The following HUWE1 variants were observed in gnomAD, a reference collection of about 807,000 sequenced individuals.
HUWE1 encodes E3 ubiquitin-protein ligase HUWE1.
Under a neutral mutation model 299.4 loss-of-function variants are expected in HUWE1, and 18 were observed. The observed-to-expected ratio is 0.06, with a 90% CI of 0.04 to 0.09. The LOEUF is 0.09. HUWE1 is among the 10% of genes least tolerant of loss of function. The pLI is 1.00. For synonymous variants in HUWE1, 1,317 were observed against 1,286.1 expected (o/e 1.02, Z -0.51); for missense variants, 1,832 against 3,462.3 (o/e 0.53, Z 11.82).
chrX:53,593,214 G>A lies in HUWE1; in HGVS notation c.3741+150C>T, dbSNP rs12840724. ...GTTTATCACGGAAAATTCTCAAATG[G>A]TCTATATTCCCTTACGTAAGGCAGC... is the stretch of plus-strand genomic sequence containing the variant. On this transcript the variant is annotated intron_variant, in intron 32 of 83. Transcript: ENST00000262854. 49,011 of 473,434 alleles carry A rather than the reference G, an allele frequency of 0.1. 2,142 individuals are homozygous for A. Among genetic ancestry groups the A allele is most frequent in the Non-Finnish European group, 0.13 (34,563 of 267,326 alleles). 39.0% of individuals were successfully genotyped at this position (473,434 alleles called of 1,213,427 possible).
intron 81 of HUWE1, 70 bp from the exon 82 acceptor site, chrX:53,534,767 C>A: frequency 2.1e-6 from 2 of 975,556 alleles, no homozygotes; most frequent in East Asian, 3.1e-5. Flanking sequence ...GATCCCCCAT[C>A]TGGCTCCCAT....
rs782531893 is a variant in HUWE1, at chrX:53,537,707, A to G, written c.11997-11T>C. ...TCTTGGCGGAAATATCTTGGGAGGT[A>G]GAAAAGGAAGGAAGATAGGATTAAG... On this transcript the variant is annotated splice_polypyrimidine_tract_variant and intron_variant, in intron 77 of 83. Coordinates refer to ENST00000262854, the MANE Select transcript of HUWE1 (RefSeq NM_031407.7). 1 of 1,205,530 alleles carries G rather than the reference A, an allele frequency of 8.3e-7. No individual in the cohort carries two copies. Among genetic ancestry groups the G allele is most frequent in the South Asian group, 1.8e-5 (1 of 55,680 alleles).
intron 25 of HUWE1, among the ~76,000 whole-genome samples, chrX:53,605,869 T>C (rs1323412705): frequency 1.8e-5 from 2 of 111,711 alleles, no homozygotes; most frequent in Middle Eastern, 4.2e-3. Flanking sequence ...TCTTCACATA[T>C]ATATGGTCAA....
chrX:53,569,700 T>A lies in HUWE1; in HGVS notation c.6440A>T (p.Asp2147Val). The part of the protein sequence containing the change: ...ASLAAAGSGT[D>V]AQVALVNEVK... ...TTCATTCACTAGGGCCACCTGGGCA[T>A]CTGTGCCACTCCCTGCAGCAGCCAG... The change falls in exon 48 of 84, where the codon GAT becomes GTT. Residue 2147 changes from aspartate (D) to valine (V), a missense_variant. Transcript: ENST00000262854. 1 of 1,212,116 alleles carries A rather than the reference T, an allele frequency of 8.3e-7. No individual in the cohort carries two copies. The highest frequency in any genetic ancestry group is 1.1e-6 in the Non-Finnish European group (1 of 895,503).
intron 52 of HUWE1, 37 bp from the exon 53 acceptor site, chrX:53,562,966 G>C: frequency 1.8e-6 from 2 of 1,112,938 alleles, no homozygotes; most frequent in Non-Finnish European, 2.5e-6. Context: ...CTGAACAACA[G>C]AGGACTTCCC....
At chrX:53,635,094 T>C (rs1440345843) in intron 7 of HUWE1, among the ~76,000 whole-genome samples, 2 of 110,818 alleles carry the variant, frequency 1.8e-5, no homozygotes, top group East Asian at 2.8e-4. Context: ...GCAAGGCATA[T>C]AGTTCAGGCA....
At chrX:53,544,475 ACAGGCCGTTAAGT>A in intron 72 of HUWE1, 72 bp downstream of exon 72, 1 of 728,369 alleles carries the variant, frequency 1.4e-6, no homozygotes. Flanking sequence ...CAGGAAGGAG[ACAGGCCGTTAAGT>A]CCTGCACCTC....
chrX:53,611,471 CATA>C (rs1270235017), intron 23 of HUWE1, among the ~76,000 whole-genome samples: 4 of 111,581 alleles, frequency 3.6e-5, no homozygotes, highest in Non-Finnish European at 5.7e-5. Flanking sequence ...CTGGAATAGA[CATA>C]ATAATATGAT....
chrX:53,534,853 T>C (rs1345397635), intron 81 of HUWE1, among the ~76,000 whole-genome samples, 156 bp from the exon 82 acceptor site: 1 of 110,515 alleles, frequency 9.0e-6, no homozygotes, highest in Non-Finnish European at 1.9e-5. Context: ...CTCAACCCCC[T>C]GGGCTCAAGC....
At chrX:53,599,675 T>C (rs782074456) in intron 29 of HUWE1, among the ~76,000 whole-genome samples, 1 of 112,240 alleles carries the variant, frequency 8.9e-6, no homozygotes, top group South Asian at 3.7e-4. Flanking sequence ...AAGAGCCAGA[T>C]AGTTATCCGA....
intron 7 of HUWE1, among the ~76,000 whole-genome samples, chrX:53,643,840 CAG>C (rs1471368471): frequency 8.9e-6 from 1 of 111,893 alleles, no homozygotes; most frequent in African/African-American, 3.2e-5. Context: ...TTTTTAGAGA[CAG>C]AGTCTCGGTC....
At chrX:53,533,739 G>A (rs1556908803) in intron 83 of HUWE1, 127 of 440,891 alleles carry the variant, frequency 2.9e-4, no homozygotes, top group Non-Finnish European at 3.6e-5. Context: ...TTTGCTCCCT[G>A]CAACTCCTCC....
intron 17 of HUWE1, chrX:53,626,184 T>C: frequency 3.6e-6 from 1 of 274,130 alleles, no homozygotes; most frequent in Non-Finnish European, 6.7e-6. Flanking sequence ...AATATATCAC[T>C]AGTTGCATGT....
At chrX:53,550,589 C>A (rs1480217578) in intron 66 of HUWE1, 77 bp downstream of exon 66, 6 of 926,520 alleles carry the variant, frequency 6.5e-6, no homozygotes, top group Non-Finnish European at 9.3e-6. Flanking sequence ...ATTTCAGCTT[C>A]TCCACCTATA....
Position 53,575,664 on chromosome X carries a change from C to A in HUWE1, c.6009G>T (p.Thr2003=). The change falls in exon 45 of 84, where the codon ACG becomes ACT. Residue 2003 remains threonine, a synonymous_variant. Coordinates refer to ENST00000262854, the MANE Select transcript of HUWE1 (RefSeq NM_031407.7). ...SLTRQSSDFD[T]QSGFSINSQV... ...TTACATTAATGGAAAAACCTGACTGCGTATCAAAGTCACTGCTCTGACGCG... is the reference window on the plus strand; with the variant it reads ...TTACATTAATGGAAAAACCTGACTGAGTATCAAAGTCACTGCTCTGACGCG... 8.3e-7 allele frequency: 1 copy of A among 1,210,816 alleles called. No homozygotes were observed. The highest frequency in any genetic ancestry group is 1.1e-6 in the Non-Finnish European group (1 of 894,554).
intron 33 of HUWE1, among the ~76,000 whole-genome samples, chrX:53,591,995 T>C (rs1214601024): frequency 8.9e-6 from 1 of 112,186 alleles, no homozygotes; most frequent in African/African-American, 3.2e-5. Context: ...ATTTTTAAAA[T>C]GCCCCTTATA....
At chrX:53,550,871 C>T (rs1556928103) in intron 65 of HUWE1, 30 bp downstream of exon 65, 1 of 1,210,228 alleles carries the variant, frequency 8.3e-7, no homozygotes, top group South Asian at 1.8e-5. Flanking sequence ...TAAAGCTTTC[C>T]AGAGCCCTCC....
At chrX:53,581,527 G>T (rs1481890053) in intron 42 of HUWE1, among the ~76,000 whole-genome samples, 3 of 112,231 alleles carry the variant, frequency 2.7e-5, no homozygotes, top group Non-Finnish European at 3.8e-5. Flanking sequence ...CTATGCTTCT[G>T]CTCTTCTCAT....
At chrX:53,621,025 T>C (rs974833212) in intron 19 of HUWE1, among the ~76,000 whole-genome samples, 6 of 111,934 alleles carry the variant, frequency 5.4e-5, no homozygotes, top group Admixed American at 4.7e-4. Flanking sequence ...CACAACTGTA[T>C]GGTTCTTCCA....
Sources: gnomAD v4.1 joint callset for allele counts (sites outside exome capture counted in the v4.1 genomes callset) on GRCh38, gnomAD v4.1.1 for gene constraint, MANE v1.5 for transcripts, NCBI Gene and HGNC (gene_info 2026-07-23, HGNC 2026-07-21) for gene names.